Variants in FBXO15 observed in about 807,000 individuals in gnomAD.
FBXO15 encodes the protein F-box protein 15, also known as F-box only protein 15.
A neutral mutation model predicts 49.5 loss-of-function variants in FBXO15; 30 were observed. The observed-to-expected ratio is 0.61, with a 90% CI of 0.45 to 0.82. FBXO15 has a LOEUF of 0.82. Among genes scored for constraint, FBXO15 ranks in the 40% least tolerant of loss-of-function variants. The pLI is 0.00. For synonymous variants in FBXO15, 250 were observed against 232.7 expected, an observed-to-expected ratio of 1.07 and a Z score of -0.68; for missense variants, 591 against 631.5, an observed-to-expected ratio of 0.94 and a Z score of 0.69.
intron 8 of FBXO15, among the ~76,000 whole-genome samples, chr18:74,111,455 C>A (rs1448643781): frequency 6.6e-6 from 1 of 151,338 alleles, no homozygotes; most frequent in Non-Finnish European, 1.5e-5. Context: ...AAAGAAATCC[C>A]AAGAAAAAAT....
intron 8 of FBXO15, among the ~76,000 whole-genome samples, chr18:74,105,027 C>A (rs12953557): frequency 0.03 from 4,539 of 152,188 alleles, 112 homozygotes; most frequent in Non-Finnish European, 0.045. Context: ...ATGGATGAAA[C>A]TGGAGGTAAT....
chr18:74,144,682 A>T (rs1979297185), intron 1 of FBXO15, among the ~76,000 whole-genome samples: 1 of 152,208 alleles, frequency 6.6e-6, no homozygotes, highest in Non-Finnish European at 1.5e-5. Flanking sequence ...ATAAAAATGT[A>T]TTATATTATT....
In FBXO15 at chr18:74,114,566, A is replaced by G. The variant is rs118164977; in HGVS notation, c.1138+8802T>C. 4.1e-3 allele frequency among the ~76,000 whole-genome samples: 619 copies of G among 152,318 alleles called. 4 individuals carry two copies. Among genetic ancestry groups the G allele is most frequent in the Non-Finnish European group, 7.2e-3 (490 of 68,020 alleles). On this transcript the variant is annotated intron_variant, in intron 8 of 9. Transcript: ENST00000419743. ...AACCCACAGGCACTGTTACAAGTTCACCTTAAGTTTTCATTTACAAATCAC... is the reference window on the plus strand; with the variant it reads ...AACCCACAGGCACTGTTACAAGTTCGCCTTAAGTTTTCATTTACAAATCAC...
intron 8 of FBXO15, among the ~76,000 whole-genome samples, chr18:74,089,200 A>G (rs1468089265): frequency 6.6e-6 from 1 of 152,060 alleles, no homozygotes; most frequent in Non-Finnish European, 1.5e-5. Context: ...TTTTGTGGCA[A>G]TTGTGAATGT....
At chr18:74,086,974 CA>C (rs918316169) in intron 8 of FBXO15, among the ~76,000 whole-genome samples, 5 of 152,062 alleles carry the variant, frequency 3.3e-5, no homozygotes, top group African/African-American at 1.2e-4. Context: ...GCAAATATCA[CA>C]AAAAAGCAAG....
chr18:74,076,949 G>A (rs531993733), intron 9 of FBXO15, among the ~76,000 whole-genome samples: 17 of 152,280 alleles, frequency 1.1e-4, no homozygotes, highest in African/African-American at 4.1e-4. Context: ...GTCCATCTCA[G>A]CATTCAGTTC....
At chr18:74,077,140 C>A (rs1046434008) in intron 9 of FBXO15, among the ~76,000 whole-genome samples, 3 of 152,196 alleles carry the variant, frequency 2.0e-5, no homozygotes, top group African/African-American at 7.2e-5. Context: ...AGGACTTAGG[C>A]CAGCTTGGTT....
intron 3 of FBXO15, among the ~76,000 whole-genome samples, chr18:74,132,396 T>C (rs888595339): frequency 1.3e-5 from 2 of 152,218 alleles, no homozygotes; most frequent in Admixed American, 6.5e-5. Flanking sequence ...TATTTTTACA[T>C]GTGTTAGCAC....
intron 8 of FBXO15, 89 bp from the exon 9 acceptor site, chr18:74,082,140 C>A: frequency 1.4e-6 from 2 of 1,414,818 alleles, no homozygotes; most frequent in Non-Finnish European, 1.9e-6. Context: ...ATAAGGATAC[C>A]TCACCCTGGT....
intron 9 of FBXO15, among the ~76,000 whole-genome samples, chr18:74,080,627 C>T (rs748857122): frequency 6.6e-6 from 1 of 152,238 alleles, no homozygotes; most frequent in Non-Finnish European, 1.5e-5. Flanking sequence ...TCTCTGAGAA[C>T]TTCTATGAGA....
At chr18:74,077,926 C>T (rs1050256829) in intron 9 of FBXO15, among the ~76,000 whole-genome samples, 11 of 152,194 alleles carry the variant, frequency 7.2e-5, no homozygotes, top group Non-Finnish European at 1.3e-4. Context: ...GTGTTACTTA[C>T]AACCTCACCA....
rs1912521407 is a variant in FBXO15 at position 74,081,999 on chromosome 18, G to T, written c.1191C>A (p.Asn397Lys). The T allele has an allele frequency of 3.1e-6, 5 of 1,612,744 alleles. No individual in the cohort carries two copies. The highest frequency in any genetic ancestry group is 4.2e-6 in the Non-Finnish European group (5 of 1,179,118). The change falls in exon 9 of 10, where the codon AAC becomes AAA. Residue 397 changes from asparagine (N) to lysine (K), a missense_variant. By Grantham distance (94) the Asn-to-Lys change is moderately conservative. Transcript: ENST00000419743. ...VKLIVIHLKNNREHLPLIGKV... is the reference protein window; with the variant it reads ...VKLIVIHLKNKREHLPLIGKV... ...TTCCAATAAGAGGTAGGTGTTCTCTGTTATTTTTTAAATGTATAACAATGA... is the reference window on the plus strand; with the variant it reads ...TTCCAATAAGAGGTAGGTGTTCTCTTTTATTTTTTAAATGTATAACAATGA...
At chr18:74,132,265 G>A (rs1276829419) in intron 3 of FBXO15, among the ~76,000 whole-genome samples, 1 of 152,212 alleles carries the variant, frequency 6.6e-6, no homozygotes, top group Non-Finnish European at 1.5e-5. Context: ...ATAAAAGCTT[G>A]CTTGTGTTTT....
At chr18:74,081,443 A>T (rs79941872) in intron 9 of FBXO15, among the ~76,000 whole-genome samples, 6,715 of 152,246 alleles carry the variant, frequency 0.044, 203 homozygotes, top group East Asian at 0.12. Context: ...CCACTAAGTC[A>T]ACTCTCCCAC....
intron 8 of FBXO15, among the ~76,000 whole-genome samples, chr18:74,085,131 T>A (rs1912683463): frequency 6.6e-6 from 1 of 152,072 alleles, no homozygotes; most frequent in African/African-American, 2.4e-5. Context: ...GAAAATGGTT[T>A]ATAAATAATT....
chr18:74,140,070 G>A (rs966671984), intron 2 of FBXO15, 132 bp downstream of exon 2: 5 of 635,298 alleles, frequency 7.9e-6, no homozygotes, highest in Admixed American at 3.3e-5. Context: ...GCTCCATGCT[G>A]TACTGTCTTC....
At chr18:74,089,839 TGGCATCTATGTTCATCAAGGATATTG>T (rs960855726) in intron 8 of FBXO15, among the ~76,000 whole-genome samples, 13 of 152,346 alleles carry the variant, frequency 8.5e-5, no homozygotes, top group Non-Finnish European at 1.8e-4. Flanking sequence ...TTGAGGATTT[TGGCATCTATGTTCATCAAGGATATTG>T]GCCTGAAGTT....
At chr18:74,140,158 T>C (rs1380237638) in intron 2 of FBXO15, 44 bp downstream of exon 2, 2 of 1,489,960 alleles carry the variant, frequency 1.3e-6, no homozygotes, top group Non-Finnish European at 1.8e-6. Flanking sequence ...AATAACCCCA[T>C]GCCTAGAGGC....
chr18:74,138,180 GC>G (rs1160178185), intron 2 of FBXO15, among the ~76,000 whole-genome samples: 1 of 152,058 alleles, frequency 6.6e-6, no homozygotes, highest in Non-Finnish European at 1.5e-5. Flanking sequence ...CCCTCGCACT[GC>G]CAAGCTCTGG....
Sources: allele counts gnomAD v4.1 joint callset (sites outside exome capture counted in the v4.1 genomes callset), GRCh38; gene constraint gnomAD v4.1.1; transcripts MANE v1.5; gene names NCBI Gene and HGNC (gene_info 2026-07-23, HGNC 2026-07-21).